LINGO2: variants seen among roughly 807,000 people sequenced by gnomAD.
LINGO2 encodes the protein leucine-rich repeat and immunoglobulin-like domain-containing nogo receptor-interacting protein 2.
LINGO2 carries 14 observed loss-of-function variants against 30.6 expected under a neutral mutation model. The ratio of observed to expected loss-of-function variants is 0.46; its 90% CI spans 0.30 to 0.72. LINGO2 has a LOEUF of 0.72. Among genes scored for constraint, LINGO2 ranks in the 30% least tolerant of loss-of-function variants. The pLI is 0.07. For missense variants in LINGO2, 729 were observed against 751.7 expected (o/e 0.97, Z 0.35); for synonymous variants, 317 against 288.5 (o/e 1.10, Z -1.00).
chr9:28,427,179 G>A (rs1823448490), intron 2 of LINGO2, among the ~76,000 whole-genome samples: 1 of 152,052 alleles, frequency 6.6e-6, no homozygotes, highest in Non-Finnish European at 1.5e-5. Context: ...GATGCTGCAA[G>A]GGATACAAAT....
chr9:28,305,383 A>T (rs188348394), intron 3 of LINGO2, among the ~76,000 whole-genome samples: 2 of 152,112 alleles, frequency 1.3e-5, no homozygotes, highest in East Asian at 3.9e-4. Context: ...TCAGTACGGC[A>T]AGAAATAAAA....
chr9:28,754,017 AACAC>A, the LINGO2 span, among the ~76,000 whole-genome samples: 2,884 of 145,326 alleles, frequency 0.02, 45 homozygotes, highest in East Asian at 0.086. Flanking sequence ...CACACACACA[AACAC>A]ACACACACAC....
chr9:28,233,335 A>G (rs1396250606), intron 4 of LINGO2, among the ~76,000 whole-genome samples: 2 of 152,060 alleles, frequency 1.3e-5, no homozygotes, highest in Non-Finnish European at 2.9e-5. Context: ...AATGTGTAAC[A>G]TTATGAAGAC....
the LINGO2 span, among the ~76,000 whole-genome samples, chr9:29,099,761 C>G: frequency 6.6e-6 from 1 of 151,992 alleles, no homozygotes; most frequent in Non-Finnish European, 1.5e-5. Flanking sequence ...GGAGAAAAGG[C>G]AACATCATAA....
Position 28,174,919 on chromosome 9 carries a change from T to A in LINGO2, c.-87+120289A>T, listed in dbSNP as rs536758324. On this transcript the variant is annotated intron_variant, in intron 4 of 5. Coordinates refer to ENST00000379992, the Ensembl canonical transcript of LINGO2. ...GTCTCTGTGTGTGTGTGTGTGTGTG[T>A]GTGAGAGAGAGAGAGAGAGAGAGAG... Among the ~76,000 whole-genome samples, 104 of 142,480 alleles carry A rather than the reference T, an allele frequency of 7.3e-4. 1 individual carries two copies. Among genetic ancestry groups the A allele is most frequent in the Middle Eastern group, 7.5e-3 (2 of 268 alleles). 93.5% of individuals were successfully genotyped at this position (142,480 alleles called of 152,430 possible).
intron 3 of LINGO2, among the ~76,000 whole-genome samples, chr9:28,341,443 C>T (rs1277033241): frequency 6.6e-6 from 1 of 151,980 alleles, no homozygotes; most frequent in Non-Finnish European, 1.5e-5. Context: ...GTGATGGTGA[C>T]TTCTAAAACA....
At chr9:29,158,432 C>T in the LINGO2 span, among the ~76,000 whole-genome samples, 10 of 152,238 alleles carry the variant, frequency 6.6e-5, no homozygotes, top group Non-Finnish European at 1.3e-4. Context: ...CTATTAATAA[C>T]TAAATGAGAA....
At chr9:28,768,613 G>GACACAC in the LINGO2 span, among the ~76,000 whole-genome samples, 2,497 of 144,474 alleles carry the variant, frequency 0.017, 35 homozygotes, top group Middle Eastern at 0.06. Context: ...GACAGACTGG[G>GACACAC]ACACACACAC....
the LINGO2 span, among the ~76,000 whole-genome samples, chr9:28,792,169 A>T: frequency 6.6e-6 from 1 of 151,948 alleles, no homozygotes; most frequent in African/African-American, 2.4e-5. Context: ...GCCTTACTGT[A>T]AATAAAGATG....
chr9:28,183,749 A>T (rs1221119263), intron 4 of LINGO2, among the ~76,000 whole-genome samples: 1 of 152,234 alleles, frequency 6.6e-6, no homozygotes, highest in African/African-American at 2.4e-5. Context: ...GGCTACCATC[A>T]GCCCAAATTA....
At chr9:28,029,769 CAT>C (rs778328363) in intron 4 of LINGO2, among the ~76,000 whole-genome samples, 54 of 152,196 alleles carry the variant, frequency 3.5e-4, no homozygotes, top group Non-Finnish European at 1.0e-4. Flanking sequence ...TATAAAATAA[CAT>C]GTGGGAAGTT....
intron 4 of LINGO2, among the ~76,000 whole-genome samples, chr9:28,085,166 T>C (rs1825874402): frequency 6.6e-6 from 1 of 152,124 alleles, no homozygotes; most frequent in Non-Finnish European, 1.5e-5. Flanking sequence ...CTTTATACTG[T>C]ATTTTGCAAT....
the LINGO2 span, among the ~76,000 whole-genome samples, chr9:28,875,856 T>C: frequency 1.3e-5 from 2 of 152,166 alleles, no homozygotes; most frequent in Admixed American, 6.6e-5. Context: ...TCGATCTTTA[T>C]ATTTCCTGGT....
At chr9:28,506,206 T>TCCACA (rs925496361) in intron 1 of LINGO2, among the ~76,000 whole-genome samples, 3 of 151,436 alleles carry the variant, frequency 2.0e-5, no homozygotes, top group African/African-American at 7.3e-5. Flanking sequence ...GAACTTCTGT[T>TCCACA]CCACACTTAA....
At chr9:27,951,863 A>AT (rs142229802) in intron 5 of LINGO2, among the ~76,000 whole-genome samples, 5,933 of 152,240 alleles carry the variant, frequency 0.039, 344 homozygotes, top group African/African-American at 0.13. Flanking sequence ...ATTTACATAT[A>AT]TATCTATGTC....
At chr9:27,988,310 A>G (rs1275078291) in intron 5 of LINGO2, among the ~76,000 whole-genome samples, 5 of 152,144 alleles carry the variant, frequency 3.3e-5, no homozygotes, top group Non-Finnish European at 1.5e-5. Context: ...CAATAAACAT[A>G]TGTGTGCATG....
At chr9:28,765,664 G>A in the LINGO2 span, among the ~76,000 whole-genome samples, 1 of 151,992 alleles carries the variant, frequency 6.6e-6, no homozygotes, top group Non-Finnish European at 1.5e-5. Flanking sequence ...TTGACCTTCT[G>A]CTGTGGTGTG....
At chr9:29,002,176 T>A in the LINGO2 span, among the ~76,000 whole-genome samples, 1 of 152,064 alleles carries the variant, frequency 6.6e-6, no homozygotes, top group South Asian at 2.1e-4. Context: ...TATATTCTTA[T>A]ACCACAGAAT....
At chr9:28,666,086 T>C (rs1301496757) in intron 1 of LINGO2, among the ~76,000 whole-genome samples, 1 of 152,084 alleles carries the variant, frequency 6.6e-6, no homozygotes, top group Non-Finnish European at 1.5e-5. Flanking sequence ...GAGACGGGGT[T>C]TCACCATCTT....
Sources: gnomAD v4.1 joint callset for allele counts (sites outside exome capture counted in the v4.1 genomes callset) on GRCh38, gnomAD v4.1.1 for gene constraint, MANE v1.5 for transcripts, NCBI Gene and HGNC (gene_info 2026-07-23, HGNC 2026-07-21) for gene names.